The following RSF1 variants were observed in gnomAD, a reference collection of about 807,000 sequenced individuals.
RSF1 encodes remodeling and spacing factor 1.
RSF1 carries 13 observed loss-of-function variants against 145.2 expected under a neutral mutation model. The observed-to-expected ratio is 0.09, with a 90% CI of 0.06 to 0.14. RSF1 has a LOEUF of 0.14. RSF1 is among the 10% of genes least tolerant of loss of function. The probability of loss-of-function intolerance (pLI) is 1.00; values close to 1 mark genes in which losing one functional copy is unlikely to be tolerated. For missense variants in RSF1, 1,517 were observed against 1,718.2 expected, an observed-to-expected ratio of 0.88 and a Z score of 2.07; for synonymous variants, 577 against 592.6, an observed-to-expected ratio of 0.97 and a Z score of 0.38.
intron 1 of RSF1, among the ~76,000 whole-genome samples, chr11:77,801,309 T>A (rs1256976067): frequency 6.6e-6 from 1 of 152,122 alleles, no homozygotes; most frequent in Non-Finnish European, 1.5e-5. Context: ...ATGCCTGTAG[T>A]CCCAGCTACT....
At chr11:77,694,407 G>C (rs1039021078) in intron 7 of RSF1, among the ~76,000 whole-genome samples, 3 of 152,146 alleles carry the variant, frequency 2.0e-5, no homozygotes, top group African/African-American at 7.2e-5. Context: ...ACTACATTCA[G>C]AACCGTCATC....
intron 8 of RSF1, among the ~76,000 whole-genome samples, chr11:77,692,140 C>G (rs1029338188): frequency 2.0e-5 from 3 of 151,942 alleles, no homozygotes; most frequent in Non-Finnish European, 4.4e-5. Flanking sequence ...ATCTGCCTGC[C>G]TTGGCCTCCC....
chr11:77,708,715 A>G (rs1044951412), intron 5 of RSF1, among the ~76,000 whole-genome samples: 14 of 152,218 alleles, frequency 9.2e-5, no homozygotes, highest in African/African-American at 3.1e-4. Flanking sequence ...AAAATTGTCA[A>G]TAAAGCACAA....
At chr11:77,726,227 AT>A (rs1961051047) in intron 4 of RSF1, among the ~76,000 whole-genome samples, 5 of 152,314 alleles carry the variant, frequency 3.3e-5, no homozygotes, top group Admixed American at 3.3e-4. Flanking sequence ...TTGGTAGCTG[AT>A]TTTATTTTGT....
intron 5 of RSF1, among the ~76,000 whole-genome samples, chr11:77,717,233 C>A (rs1960837449): frequency 6.9e-6 from 1 of 145,926 alleles, no homozygotes. Flanking sequence ...AATATAAATA[C>A]AGGATAAGGG....
the RSF1 span, among the ~76,000 whole-genome samples, chr11:77,841,717 T>C: frequency 6.6e-6 from 1 of 152,192 alleles, no homozygotes. Flanking sequence ...TTGGGATATG[T>C]AGAGAGCTTA....
chr11:77,828,043 T>C, the RSF1 span, among the ~76,000 whole-genome samples: 2 of 151,662 alleles, frequency 1.3e-5, no homozygotes, highest in Non-Finnish European at 2.9e-5. Context: ...GGAGGCGAGG[T>C]AGGTGGATCA....
At chr11:77,765,177 T>C (rs541838513) in intron 1 of RSF1, among the ~76,000 whole-genome samples, 1 of 152,098 alleles carries the variant, frequency 6.6e-6, no homozygotes, top group East Asian at 1.9e-4. Flanking sequence ...ACTATACAAC[T>C]AAAGTTTGTA....
At chr11:77,775,811 T>C (rs186441636) in intron 1 of RSF1, among the ~76,000 whole-genome samples, 217 of 152,296 alleles carry the variant, frequency 1.4e-3, no homozygotes, top group African/African-American at 4.6e-3. Context: ...CTCTGTTGTC[T>C]AGGCTGAAGT....
chr11:77,673,548 G>A (rs1272526982), intron 14 of RSF1, among the ~76,000 whole-genome samples: 4 of 152,162 alleles, frequency 2.6e-5, no homozygotes, highest in African/African-American at 9.7e-5. Context: ...GAATCCACGA[G>A]TTTACACTGT....
chr11:77,686,396 G>C (rs1012586291), intron 9 of RSF1, among the ~76,000 whole-genome samples: 23 of 29,910 alleles, frequency 7.7e-4, no homozygotes, highest in Non-Finnish European at 1.5e-3. Flanking sequence ...CATCAAGAGT[G>C]AGACCCTGTC....
chr11:77,819,201 T>C (rs1345199486), intron 1 of RSF1, among the ~76,000 whole-genome samples: 1 of 152,196 alleles, frequency 6.6e-6, no homozygotes, highest in Non-Finnish European at 1.5e-5. Context: ...ATCTGTCTTG[T>C]ACAATAACCA....
intron 1 of RSF1, among the ~76,000 whole-genome samples, chr11:77,768,324 G>A (rs1248323813): frequency 6.6e-6 from 1 of 151,822 alleles, no homozygotes; most frequent in Admixed American, 6.5e-5. Flanking sequence ...CACCACGCCT[G>A]GCTGATTTTT....
chr11:77,762,846 T>G (rs778786944), intron 2 of RSF1: 9 of 152,136 alleles, frequency 5.9e-5, no homozygotes, highest in African/African-American at 1.7e-4. Flanking sequence ...GTAATACATA[T>G]GTACAATGAT....
intron 5 of RSF1, among the ~76,000 whole-genome samples, chr11:77,706,202 C>T (rs888202627): frequency 4.8e-5 from 7 of 146,744 alleles, no homozygotes; most frequent in African/African-American, 1.8e-4. Flanking sequence ...GATTGCCCCA[C>T]TGCACTCCAG....
intron 2 of RSF1, among the ~76,000 whole-genome samples, chr11:77,748,398 T>A (rs1406939868): frequency 1.3e-5 from 2 of 151,914 alleles, no homozygotes; most frequent in Non-Finnish European, 2.9e-5. Flanking sequence ...CTGATTTTTG[T>A]ACTTTTTGTA....
upstream of RSF1, chr11:77,821,083 T>G: frequency 1.1e-4 from 49 of 430,038 alleles, no homozygotes; most frequent in East Asian, 1.5e-4. Context: ...CAATGGCCAA[T>G]GGACGCAGAG....
chr11:77,853,490 C>A, the RSF1 span, among the ~76,000 whole-genome samples: 1 of 152,074 alleles, frequency 6.6e-6, no homozygotes, highest in African/African-American at 2.4e-5. Flanking sequence ...ACGAGAACAG[C>A]AAGGGGGATA....
At chr11:77,707,996 T>A (rs1338160855) in intron 5 of RSF1, among the ~76,000 whole-genome samples, 1 of 152,188 alleles carries the variant, frequency 6.6e-6, no homozygotes, top group East Asian at 1.9e-4. Flanking sequence ...ACAACTAATT[T>A]TTATTTTTTG....
Sources: allele counts gnomAD v4.1 joint callset (sites outside exome capture counted in the v4.1 genomes callset), GRCh38; gene constraint gnomAD v4.1.1; transcripts MANE v1.5; gene names NCBI Gene and HGNC (gene_info 2026-07-23, HGNC 2026-07-21).